The following USP39 variants were observed in gnomAD, a reference collection of about 807,000 sequenced individuals.
The protein encoded by USP39 is ubiquitin carboxyl-terminal hydrolase 39.
A neutral mutation model predicts 66.4 loss-of-function variants in USP39; 38 were observed. That is an observed-to-expected ratio of 0.57 (90% CI 0.44 to 0.75). The LOEUF (loss-of-function observed/expected upper bound fraction) is 0.75, where lower values mean the gene tolerates loss of function less well. Among genes scored for constraint, USP39 ranks in the 30% least tolerant of loss-of-function variants. USP39 has a pLI of 0.00. For synonymous variants in USP39, 303 were observed against 274.6 expected (o/e 1.10, Z -1.02); for missense variants, 608 against 714.4 (o/e 0.85, Z 1.70).
At chr2:85,648,681 C>A in intron 12 of USP39, 80 bp from the exon 13 acceptor site, 1 of 1,523,446 alleles carries the variant, frequency 6.6e-7, no homozygotes, top group South Asian at 1.1e-5. Flanking sequence ...TGTCCATGGC[C>A]TGGCACAGAA....
chr2:85,620,050 G>T (rs1233359825), intron 2 of USP39, among the ~76,000 whole-genome samples: 1 of 151,456 alleles, frequency 6.6e-6, no homozygotes, highest in Non-Finnish European at 1.5e-5. Flanking sequence ...AAGAGACGGG[G>T]TTTCATCATG....
upstream of USP39, among the ~76,000 whole-genome samples, chr2:85,614,714 ATAT>A (rs1484492123): frequency 6.6e-6 from 1 of 152,178 alleles, no homozygotes; most frequent in African/African-American, 2.4e-5. Flanking sequence ...GCAAGAAGAA[ATAT>A]TATCTTTAAA....
At chr2:85,619,020 C>G (rs910444687) in intron 1 of USP39, among the ~76,000 whole-genome samples, 200 bp from the exon 2 acceptor site, 1 of 152,190 alleles carries the variant, frequency 6.6e-6, no homozygotes, top group South Asian at 2.1e-4. Context: ...ATCCACCCAT[C>G]TCGGTTTCCC....
intron 6 of USP39, among the ~76,000 whole-genome samples, chr2:85,632,589 A>G (rs1255135076): frequency 6.6e-6 from 1 of 151,768 alleles, no homozygotes; most frequent in Admixed American, 6.6e-5. Flanking sequence ...CTGGGCCTAC[A>G]GGTGCGTGCC....
chr2:85,623,883 C>G, intron 4 of USP39, 101 bp downstream of exon 4: 1 of 1,333,338 alleles, frequency 7.5e-7, no homozygotes, highest in Non-Finnish European at 1.0e-6. Flanking sequence ...AATCTCAGTC[C>G]CTTTAGGCAT....
In USP39 at chr2:85,645,092, C is replaced by G; in HGVS notation, c.1563+9C>G. 9 of 1,614,074 alleles carry G rather than the reference C, an allele frequency of 5.6e-6. No homozygotes were observed. The highest frequency in any genetic ancestry group is 7.6e-6 in the Non-Finnish European group (9 of 1,179,976). ...TCCACGTGCTTCATCATGTGAGTGG[C>G]TGCTGACCGTCTCATGGCACAGAGT... On this transcript the variant is annotated intron_variant, in intron 11 of 12. Coordinates refer to ENST00000323701, the MANE Select transcript of USP39 (RefSeq NM_006590.4).
upstream of USP39, chr2:85,612,313 A>C: frequency 6.5e-7 from 1 of 1,536,024 alleles, no homozygotes; most frequent in African/African-American, 1.4e-5. Context: ...CAAATCATCT[A>C]TAACACAACT....
upstream of USP39, chr2:85,616,081 A>T: frequency 2.3e-6 from 3 of 1,313,358 alleles, no homozygotes; most frequent in Non-Finnish European, 1.9e-6. Context: ...ATTTGTCCCC[A>T]GTGGCGACTC....
rs983065663 is a variant in USP39, at chr2:85,645,401, G to A, written c.1563+318G>A. ...AAGCAGTTCTCTGCCTCAGCCTCCC[G>A]AATAGCTGGGATTATGGGATTACAG... is the stretch of plus-strand genomic sequence containing the variant. On this transcript the variant is annotated intron_variant, in intron 11 of 12. Coordinates refer to ENST00000323701, the MANE Select transcript of USP39 (RefSeq NM_006590.4). 11 of 201,438 alleles carry A rather than the reference G, an allele frequency of 5.5e-5. No individual in the cohort carries two copies. In the Admixed American group the frequency reaches 5.9e-4, roughly 11 times the overall value. The allele number at this position is 201,438 out of a possible 1,614,324, so 12.5% of individuals were successfully genotyped here. A position where few individuals can be genotyped will look rare whatever the true frequency, so the allele number is the denominator to read the frequency against.
chr2:85,636,750 C>T (rs1675806487), intron 7 of USP39, among the ~76,000 whole-genome samples: 1 of 152,142 alleles, frequency 6.6e-6, no homozygotes, highest in Non-Finnish European at 1.5e-5. Context: ...AGGTGATCTG[C>T]CCAAAGTGCT....
At chr2:85,611,655 C>G (rs771022217), upstream of USP39, 1 of 1,557,818 alleles carries the variant, frequency 6.4e-7, no homozygotes, top group Non-Finnish European at 8.7e-7. Flanking sequence ...GCAGGCGGGG[C>G]GGGCGGCCTC....
At chr2:85,624,355 T>C (rs1054112577) in intron 4 of USP39, among the ~76,000 whole-genome samples, 1 of 151,422 alleles carries the variant, frequency 6.6e-6, no homozygotes, top group African/African-American at 2.4e-5. Context: ...TGTTTTTGGT[T>C]TTTTTTTTGA....
chr2:85,645,276 G>GA, intron 11 of USP39, 193 bp downstream of exon 11: 1 of 543,106 alleles, frequency 1.8e-6, no homozygotes, highest in Non-Finnish European at 3.0e-6. Flanking sequence ...CACCTTGGGA[G>GA]CTTTTTTTTT....
At chr2:85,625,805 G>C in intron 5 of USP39, 114 bp downstream of exon 5, 2 of 1,367,568 alleles carry the variant, frequency 1.5e-6, no homozygotes, top group Non-Finnish European at 2.0e-6. Flanking sequence ...GATTGCCTGA[G>C]GTCAAGAGTT....
In USP39 at chr2:85,602,969, G is replaced by A. The variant is rs1156926897; in HGVS notation, n.114G>A. ...TCCTGCCGGGGAAGCGTCAGCAGGT[G>A]GGGATCTCGGGGCAGCCTGCATTCC... On this transcript the variant is annotated non_coding_transcript_exon_variant, in exon 1 of 13. Coordinates refer to the USP39 transcript ENST00000459775. The surrounding 1 kb of genome is among the most constrained non-coding windows in gnomAD (Gnocchi z 5.6). The A allele has an allele frequency of 1.3e-5, 2 of 152,428 alleles. No homozygotes were observed. Among genetic ancestry groups the A allele is most frequent in the Non-Finnish European group, 2.9e-5 (2 of 68,126 alleles). The allele number at this position is 152,428 out of a possible 1,614,324, so 9.4% of individuals were successfully genotyped here. A position where few individuals can be genotyped will look rare whatever the true frequency, so the allele number is the denominator to read the frequency against.
At chr2:85,643,944 C>CGCCCG (rs1676446603) in intron 10 of USP39, among the ~76,000 whole-genome samples, 2 of 152,142 alleles carry the variant, frequency 1.3e-5, no homozygotes, top group African/African-American at 4.8e-5. Flanking sequence ...TGAGCCACCG[C>CGCCCG]ACCTGGCTTC....
At chr2:85,619,313 T>C in intron 2 of USP39, 24 bp downstream of exon 2, 2 of 1,609,474 alleles carry the variant, frequency 1.2e-6, no homozygotes. Context: ...AGATGCTGAG[T>C]ATAGCACAAG....
upstream of USP39, chr2:85,616,177 G>C (rs769154089): frequency 1.4e-6 from 2 of 1,401,796 alleles, no homozygotes; most frequent in Non-Finnish European, 9.3e-7. Flanking sequence ...TGCGCTGGAC[G>C]ACTCGGCCGG....
chr2:85,627,663 T>C (rs917503512), intron 5 of USP39, among the ~76,000 whole-genome samples: 1 of 149,104 alleles, frequency 6.7e-6, no homozygotes, highest in African/African-American at 2.5e-5. Context: ...GGCACAGTGG[T>C]GCATGCATGC....
Sources: gnomAD v4.1 joint callset for allele counts (sites outside exome capture counted in the v4.1 genomes callset) on GRCh38, gnomAD v4.1.1 for gene constraint, Gnocchi (gnomAD v3.1) non-coding constraint, MANE v1.5 for transcripts, NCBI Gene and HGNC (gene_info 2026-07-23, HGNC 2026-07-21) for gene names.